The following COLEC10 variants were observed in gnomAD, a reference collection of about 807,000 sequenced individuals.
COLEC10 encodes the protein collectin subfamily member 10, also known as collectin-10.
A neutral mutation model predicts 28.4 loss-of-function variants in COLEC10; 22 were observed. That is an observed-to-expected ratio of 0.78 (90% CI 0.55 to 1.11). COLEC10 has a LOEUF of 1.11. Ranked by LOEUF, COLEC10 falls within the 50% of genes least tolerant of loss-of-function variation. The pLI, the probability that COLEC10 is intolerant of heterozygous loss-of-function variation, is 0.00. For missense variants in COLEC10, 361 were observed against 344.1 expected, an observed-to-expected ratio of 1.05 and a Z score of -0.39; for synonymous variants, 125 against 116.1, an observed-to-expected ratio of 1.08 and a Z score of -0.49.
chr8:119,060,906 A>G (rs1814844297), intron 2 of COLEC10, among the ~76,000 whole-genome samples: 2 of 152,122 alleles, frequency 1.3e-5, no homozygotes, highest in African/African-American at 4.8e-5. Context: ...AGAAATATAT[A>G]AATTAAATCA....
chr8:118,982,745 G>C, the COLEC10 span: 7 of 153,674 alleles, frequency 4.6e-5, no homozygotes, highest in Non-Finnish European at 8.8e-5. Context: ...CTGGTTGTCA[G>C]TGTTAACAGC....
intron 2 of COLEC10, among the ~76,000 whole-genome samples, chr8:119,024,292 T>G (rs1814149357): frequency 6.6e-6 from 1 of 152,104 alleles, no homozygotes; most frequent in Non-Finnish European, 1.5e-5. Flanking sequence ...CTTTAAGGAT[T>G]GTGAAAAGTG....
intron 2 of COLEC10, among the ~76,000 whole-genome samples, chr8:119,031,887 G>T (rs12682083): frequency 7.8e-6 from 1 of 128,526 alleles, no homozygotes; most frequent in Non-Finnish European, 1.6e-5. Context: ...CCTTAATTTG[G>T]AAAATAGTGC....
chr8:119,006,356 T>C (rs1157148206), intron 1 of COLEC10, among the ~76,000 whole-genome samples: 1 of 152,088 alleles, frequency 6.6e-6, no homozygotes, highest in Non-Finnish European at 1.5e-5. Flanking sequence ...AAATTAATAA[T>C]GCAACCTTGT....
chr8:119,100,171 C>A (rs1234756798), intron 3 of COLEC10, among the ~76,000 whole-genome samples: 7 of 151,932 alleles, frequency 4.6e-5, no homozygotes, highest in Non-Finnish European at 1.0e-4. Flanking sequence ...TTTCATTAAA[C>A]CATTGGTTAA....
At chr8:119,023,571 A>T (rs1814134636) in intron 2 of COLEC10, among the ~76,000 whole-genome samples, 1 of 152,192 alleles carries the variant, frequency 6.6e-6, no homozygotes, top group Non-Finnish European at 1.5e-5. Context: ...GTAACTATTC[A>T]TATTAGTTCT....
At chr8:118,969,638 G>A in the COLEC10 span, among the ~76,000 whole-genome samples, 2 of 151,586 alleles carry the variant, frequency 1.3e-5, no homozygotes, top group Non-Finnish European at 2.9e-5. Flanking sequence ...AATACCCAGA[G>A]CTGTACTCTT....
intron 2 of COLEC10, among the ~76,000 whole-genome samples, chr8:119,037,159 A>G (rs1814403598): frequency 6.6e-6 from 1 of 152,206 alleles, no homozygotes; most frequent in African/African-American, 2.4e-5. Flanking sequence ...AAACCAGAGA[A>G]GGACCCATAC....
the COLEC10 span, among the ~76,000 whole-genome samples, chr8:118,955,906 G>A: frequency 1.3e-5 from 2 of 152,214 alleles, no homozygotes; most frequent in Non-Finnish European, 2.9e-5. Flanking sequence ...ACCATACAAA[G>A]CACTAGAGAG....
At chr8:119,040,925 T>C (rs548202196) in intron 2 of COLEC10, among the ~76,000 whole-genome samples, 5 of 152,238 alleles carry the variant, frequency 3.3e-5, no homozygotes, top group South Asian at 4.1e-4. Flanking sequence ...CTAGAAGCCA[T>C]AGGGCAAGTG....
At chr8:118,958,149 G>T in the COLEC10 span, among the ~76,000 whole-genome samples, 1 of 152,150 alleles carries the variant, frequency 6.6e-6, no homozygotes, top group Non-Finnish European at 1.5e-5. Flanking sequence ...TATGAACAAT[G>T]CATAAACAAA....
chr8:118,999,092 G>T (rs7010043), intron 1 of COLEC10, among the ~76,000 whole-genome samples: 99,161 of 151,930 alleles, frequency 0.65, 33,749 homozygotes, highest in African/African-American at 0.85. Context: ...CACAGTATGA[G>T]ATATGCAAGG....
chr8:118,989,737 T>C, the COLEC10 span, among the ~76,000 whole-genome samples: 1 of 151,930 alleles, frequency 6.6e-6, no homozygotes, highest in Non-Finnish European at 1.5e-5. Context: ...TGTGTGTGTG[T>C]GTGTAGGAAG....
chr8:118,953,737 A>G, the COLEC10 span, among the ~76,000 whole-genome samples: 1 of 152,226 alleles, frequency 6.6e-6, no homozygotes, highest in African/African-American at 2.4e-5. Context: ...CCTGGCCCAT[A>G]GGAAATATTT....
At chr8:119,069,629 A>AAAAAAATATAT (rs1554627284) in intron 1 of COLEC10, among the ~76,000 whole-genome samples, 2 of 42,874 alleles carry the variant, frequency 4.7e-5, no homozygotes, top group Non-Finnish European at 8.8e-5. Flanking sequence ...AAAAAAAAAA[A>AAAAAAATATAT]ATATATATAT....
intron 2 of COLEC10, among the ~76,000 whole-genome samples, chr8:119,026,102 C>G (rs761924096): frequency 1.3e-5 from 2 of 152,152 alleles, no homozygotes; most frequent in African/African-American, 2.4e-5. Flanking sequence ...TTTCTCAGTT[C>G]TTTTCATTTT....
chr8:119,063,790 T>C (rs1040271672), upstream of COLEC10, among the ~76,000 whole-genome samples: 2 of 151,732 alleles, frequency 1.3e-5, no homozygotes, highest in African/African-American at 2.4e-5. Context: ...GTTATTTACT[T>C]TAATGACATG....
the COLEC10 span, among the ~76,000 whole-genome samples, chr8:118,959,739 G>T: frequency 6.6e-6 from 1 of 152,214 alleles, no homozygotes; most frequent in Non-Finnish European, 1.5e-5. Flanking sequence ...TGGCAGTCAT[G>T]TCAGCTGGGA....
At position 119,026,297 on chromosome 8, in the gene COLEC10, T is replaced by C. The variant is rs144340967; in HGVS notation, n.235+16744T>C. Among the ~76,000 whole-genome samples, 22 of 152,314 alleles carry C rather than the reference T, an allele frequency of 1.4e-4. No individual in the cohort carries two copies. The East Asian group carries it at 3.9e-3, about 27-fold the overall frequency. ...AGCCAGTCATGGTGGCTCATGCCTG[T>C]AATCCTAGCACTTTGGGAGACCAAG... On this transcript the variant is annotated intron_variant and non_coding_transcript_variant, in intron 2 of 6. Coordinates refer to the COLEC10 transcript ENST00000521788.
Sources: gnomAD v4.1 joint callset for allele counts (sites outside exome capture counted in the v4.1 genomes callset) on GRCh38, gnomAD v4.1.1 for gene constraint, MANE v1.5 for transcripts, NCBI Gene and HGNC (gene_info 2026-07-23, HGNC 2026-07-21) for gene names.